Variants in ZNF555 observed in about 807,000 individuals in gnomAD.
ZNF555 encodes the protein zinc finger protein 555.
In ZNF555, 10 loss-of-function variants were observed where a neutral mutation model predicts 14.0. The observed-to-expected ratio is 0.72, with a 90% CI of 0.44 to 1.21. The LOEUF (loss-of-function observed/expected upper bound fraction) is 1.21, where lower values mean the gene tolerates loss of function less well. ZNF555 is among the 50% of genes most tolerant of loss of function. The pLI is 0.00. For synonymous variants in ZNF555, 277 were observed against 262.4 expected (o/e 1.06, Z -0.54); for missense variants, 747 against 762.0 (o/e 0.98, Z 0.23).
rs1194438972 is a variant in ZNF555, at chr19:2,853,910, G to T, written c.1845G>T (p.Glu615Asp). Reference sequence around the variant, plus strand: ...GTGCTTCAGAAAAGTCACACCAGGAGAGAGATCTGATCAAAGTTGTAAATA... The same window carrying T: ...GTGCTTCAGAAAAGTCACACCAGGATAGAGATCTGATCAAAGTTGTAAATA... The part of the protein sequence containing the change: ...MCSASEKSHQ[E>D]RDLIKVVNMV... The change falls in exon 4 of 4, where the codon GAG becomes GAT. Residue 615 changes from glutamate (E) to aspartate (D), a missense_variant. Coordinates refer to ENST00000334241, the MANE Select transcript of ZNF555 (RefSeq NM_152791.5). The T allele has an allele frequency of 1.2e-6, 2 of 1,613,902 alleles. No individual in the cohort carries two copies. Among genetic ancestry groups the T allele is most frequent in the African/African-American group, 1.3e-5 (1 of 75,062 alleles).
chr19:2,852,194 A>G (rs1329634727), intron 3 of ZNF555, among the ~76,000 whole-genome samples, 186 bp from the exon 4 acceptor site: 1 of 152,036 alleles, frequency 6.6e-6, no homozygotes, highest in Non-Finnish European at 1.5e-5. Context: ...TACATAAGAA[A>G]CACTGTTTTA....
intron 1 of ZNF555, 121 bp downstream of exon 1, chr19:2,841,696 C>A: frequency 8.2e-7 from 1 of 1,226,790 alleles, no homozygotes; most frequent in Non-Finnish European, 1.0e-6. Context: ...CGGCGCAGGA[C>A]GGGAGCCTGG....
chr19:2,853,229 G>T lies in ZNF555; in HGVS notation c.1164G>T (p.Arg388Ser). 6.2e-7 allele frequency: 1 copy of T among 1,613,692 alleles called. No homozygotes were observed. Among genetic ancestry groups the T allele is most frequent in the Non-Finnish European group, 8.5e-7 (1 of 1,179,918 alleles). The change falls in exon 4 of 4, where the codon AGG (arginine) becomes AGT (serine). Residue 388 changes from arginine to serine, a missense_variant. Transcript: ENST00000334241. ...CCCAGTCCTTTCGAAGACATGAAAG[G>T]ACTCATGGTGGAGAGAAACCCTATG... is the stretch of plus-strand genomic sequence containing the variant. ...IYPQSFRRHE[R>S]THGGEKPYEC...
Position 2,853,318 on chromosome 19 carries a change from A to C in ZNF555, c.1253A>C (p.His418Pro). ...PSSFRGHMRV[H>P]TGEKPYECKQ... ...TCCTTTCGAGGACACATGAGGGTGC[A>C]CACTGGAGAGAAACCCTATGAGTGC... Residue 418 changes from histidine (H) to proline (P), a missense_variant, in exon 4 of 4, where the codon CAC (histidine) becomes CCC (proline). Transcript: ENST00000334241. The C allele has an allele frequency of 1.2e-6, 2 of 1,614,244 alleles. No homozygotes were observed. Among genetic ancestry groups the C allele is most frequent in the Non-Finnish European group, 1.7e-6 (2 of 1,180,036 alleles).
rs139585171 is a variant in ZNF555, at chr19:2,849,188, C to T, written c.4-1399C>T. Among the ~76,000 whole-genome samples the T allele has an allele frequency of 1.8e-3, 266 of 151,824 alleles. 1 individual carries two copies. Among genetic ancestry groups the T allele is most frequent in the African/African-American group, 6.3e-3 (261 of 41,410 alleles). On this transcript the variant is annotated intron_variant, in intron 1 of 3. Coordinates refer to ENST00000334241, the MANE Select transcript of ZNF555 (RefSeq NM_152791.5). ...ATTTTGTCTGTCTCCTGCTCATAGACGGAAAGGAGTTGATCTTTCTCAGCA... is the reference window on the plus strand; with the variant it reads ...ATTTTGTCTGTCTCCTGCTCATAGATGGAAAGGAGTTGATCTTTCTCAGCA...
Position 2,853,686 on chromosome 19 carries a change from T to C in ZNF555, c.1621T>C (p.Cys541Arg), listed in dbSNP as rs771254737. 8.2e-6 allele frequency: 13 copies of C among 1,578,428 alleles called. No individual in the cohort carries two copies. The highest frequency in any genetic ancestry group is 5.4e-5 in the Admixed American group (3 of 55,588). ...AGAGAAGCCCTATGAATGTAAGGAA[T>C]GTGGGAAGGTCTTCAAATGGCCATC... ...TVEKPYECKE[C>R]GKVFKWPSSL... Residue 541 changes from cysteine to arginine, a missense_variant, in exon 4 of 4, where the codon TGT becomes CGT. Coordinates refer to ENST00000334241, the MANE Select transcript of ZNF555 (RefSeq NM_152791.5).
intron 2 of ZNF555, among the ~76,000 whole-genome samples, 183 bp from the exon 3 acceptor site, chr19:2,851,285 C>T (rs889128037): frequency 3.5e-5 from 5 of 144,376 alleles, no homozygotes; most frequent in African/African-American, 7.6e-5. Context: ...CATGAGCCAC[C>T]GCGCCTGGCC....
rs1029703404 is a variant in ZNF555, at chr19:2,841,503, C to G, written c.-70C>G. 6.5e-7 allele frequency: 1 copy of G among 1,544,656 alleles called. No individual in the cohort carries two copies. Among genetic ancestry groups the G allele is most frequent in the Non-Finnish European group, 8.7e-7 (1 of 1,144,090 alleles). Reference sequence around the variant, plus strand: ...CTAGCCGTGAGTGCCCCGCCTGCCCCTAGCGGTCCCTGGCGTCCCGGTTCC... The same window carrying G: ...CTAGCCGTGAGTGCCCCGCCTGCCCGTAGCGGTCCCTGGCGTCCCGGTTCC... On this transcript the variant is annotated 5_prime_UTR_variant, in exon 1 of 4. Coordinates refer to ENST00000334241, the MANE Select transcript of ZNF555 (RefSeq NM_152791.5).
In ZNF555 at chr19:2,851,524, G is replaced by C; in HGVS notation, c.187G>C (p.Glu63Gln). ...GSVSQQDIYG[E>Q]KIPKESKIAT... ...AGTTTCTCAGCAGGATATTTATGGA[G>C]AGAAAATACCCAAGGAATCTAAAAT... is the stretch of plus-strand genomic sequence containing the variant. The change falls in exon 3 of 4, where the codon GAG (glutamate) becomes CAG (glutamine). Residue 63 changes from glutamate to glutamine, a missense_variant. Transcript: ENST00000334241. The C allele has an allele frequency of 6.2e-7, 1 of 1,609,118 alleles. No individual in the cohort carries two copies. Among genetic ancestry groups the C allele is most frequent in the Middle Eastern group, 1.7e-4 (1 of 6,046 alleles).
At position 2,853,601 on chromosome 19, in the gene ZNF555, G is replaced by A. The variant is rs376380812; in HGVS notation, c.1536G>A (p.Gln512=). 6.2e-7 allele frequency: 1 copy of A among 1,608,856 alleles called. No individual in the cohort carries two copies. The highest frequency in any genetic ancestry group is 8.5e-7 in the Non-Finnish European group (1 of 1,176,910). Residue 512 remains glutamine (Q), a synonymous_variant, in exon 4 of 4, where the codon CAG becomes CAA. Transcript: ENST00000334241. The part of the protein sequence containing the change: ...HTAEKLYKCK[Q]CGKAFSWPEL... ...CAGAGAAACTCTATAAATGCAAGCA[G>A]TGTGGGAAAGCTTTCAGTTGGCCTG...
chr19:2,853,953 G>A lies in ZNF555; in HGVS notation c.*1G>A. The A allele has an allele frequency of 1.2e-6, 2 of 1,613,280 alleles. No individual in the cohort carries two copies. The highest frequency in any genetic ancestry group is 1.7e-6 in the Non-Finnish European group (2 of 1,179,964). ...TGTAAATATGGTGTTGCCTTTATGAGTTCCTTATCCTGAAAGTGGACACTC... is the reference window on the plus strand; with the variant it reads ...TGTAAATATGGTGTTGCCTTTATGAATTCCTTATCCTGAAAGTGGACACTC... On this transcript the variant is annotated 3_prime_UTR_variant, in exon 4 of 4. Transcript: ENST00000334241.
chr19:2,841,553 C>G lies in ZNF555; in HGVS notation c.-20C>G. On this transcript the variant is annotated 5_prime_UTR_variant, in exon 1 of 4. Transcript: ENST00000334241. ...CTGTCGCGCTCACCTGCGCCGGTAG[C>G]GAAGAAATCGCCCCGGGACATGGTG... 1.9e-6 allele frequency: 3 copies of G among 1,544,304 alleles called. No individual in the cohort carries two copies. The highest frequency in any genetic ancestry group is 2.6e-6 in the Non-Finnish European group (3 of 1,144,066).
intron 1 of ZNF555, 23 bp from the exon 2 acceptor site, chr19:2,850,564 A>C (rs2087620056): frequency 6.2e-7 from 1 of 1,611,296 alleles, no homozygotes. Flanking sequence ...CCATCCTCCC[A>C]TAAATATGTT....
Position 2,854,168 on chromosome 19 carries a change from G to A in ZNF555, c.*216G>A, listed in dbSNP as rs1483901859. ...ATTTTTAATATGCAAGTAGGTTCAAGTTTTATTTAATTTCTTAAATTGTAA... is the reference window on the plus strand; with the variant it reads ...ATTTTTAATATGCAAGTAGGTTCAAATTTTATTTAATTTCTTAAATTGTAA... On this transcript the variant is annotated 3_prime_UTR_variant, in exon 4 of 4. Coordinates refer to ENST00000334241, the MANE Select transcript of ZNF555 (RefSeq NM_152791.5). 1 of 556,096 alleles carries A rather than the reference G, an allele frequency of 1.8e-6. No individual in the cohort carries two copies. The highest frequency in any genetic ancestry group is 3.7e-5 in the Admixed American group (1 of 27,196). The allele number at this position is 556,096 out of a possible 1,614,324, so 34.4% of individuals were successfully genotyped here.
At chr19:2,841,755 A>G (rs990610012) in intron 1 of ZNF555, among the ~76,000 whole-genome samples, 180 bp downstream of exon 1, 5 of 151,080 alleles carry the variant, frequency 3.3e-5, no homozygotes, top group Non-Finnish European at 7.4e-5. Context: ...GGTCGCGGCT[A>G]GGGCGCTCCG....
At chr19:2,851,353 G>T (rs1310692576) in intron 2 of ZNF555, 115 bp from the exon 3 acceptor site, 8 of 784,754 alleles carry the variant, frequency 1.0e-5, no homozygotes, top group African/African-American at 1.8e-5. Context: ...TGATTGAGTT[G>T]CTTACCTTTT....
chr19:2,846,284 A>G (rs577937623), intron 1 of ZNF555, among the ~76,000 whole-genome samples: 1 of 152,346 alleles, frequency 6.6e-6, no homozygotes, highest in Non-Finnish European at 1.5e-5. Flanking sequence ...GGATGTGATC[A>G]GAGGCTTAGC....
At chr19:2,848,448 A>G (rs575918256) in intron 1 of ZNF555, among the ~76,000 whole-genome samples, 152 of 150,078 alleles carry the variant, frequency 1.0e-3, no homozygotes, top group African/African-American at 3.6e-3. Flanking sequence ...CACCGCACCC[A>G]GCCACCCAGG....
At chr19:2,844,959 A>G (rs55898173) in intron 1 of ZNF555, among the ~76,000 whole-genome samples, 54,610 of 152,056 alleles carry the variant, frequency 0.36, 10,124 homozygotes, top group South Asian at 0.53. Context: ...CTGCAATGGA[A>G]TCATTATTTT....
Sources: allele counts gnomAD v4.1 joint callset (sites outside exome capture counted in the v4.1 genomes callset), GRCh38; gene constraint gnomAD v4.1.1; transcripts MANE v1.5; gene names NCBI Gene and HGNC (gene_info 2026-07-23, HGNC 2026-07-21).